CYP4F12: variants seen among roughly 807,000 people sequenced by gnomAD.
CYP4F12 encodes the protein cytochrome P450 4F12.
Under a neutral mutation model 56.5 loss-of-function variants are expected in CYP4F12, and 60 were observed. The ratio of observed to expected loss-of-function variants is 1.06; its 90% confidence interval spans 0.86 to 1.32. The LOEUF is 1.32. Ranked by LOEUF, CYP4F12 falls within the 40% of genes most tolerant of loss-of-function variation. CYP4F12 has a pLI of 0.00. For missense variants in CYP4F12, 711 were observed against 683.5 expected (o/e 1.04, Z -0.45); for synonymous variants, 263 against 264.9 (o/e 0.99, Z 0.07).
At chr19:15,680,708 T>A in intron 5 of CYP4F12, 189 bp downstream of exon 5, 1 of 735,782 alleles carries the variant, frequency 1.4e-6, no homozygotes, top group Non-Finnish European at 2.3e-6. Context: ...TGGCACACAG[T>A]AGGTTCTCAG....
At position 15,675,154 on chromosome 19, in the gene CYP4F12, T is replaced by C. The variant is rs566247298; in HGVS notation, c.198+1427T>C. ...AGTGAGCCCTGTAGCCCAACCTGGATATAATTTGGCCACTCCCTTCCCCTT... is the reference window on the plus strand; with the variant it reads ...AGTGAGCCCTGTAGCCCAACCTGGACATAATTTGGCCACTCCCTTCCCCTT... On this transcript the variant is annotated intron_variant, in intron 2 of 12. Coordinates refer to ENST00000550308, the MANE Select transcript of CYP4F12 (RefSeq NM_023944.4). Among the ~76,000 whole-genome samples, 13 of 150,662 alleles carry C rather than the reference T, an allele frequency of 8.6e-5. 1 individual carries two copies. The South Asian group carries it at 2.8e-3, about 32-fold the overall frequency.
At chr19:15,679,032 A>G (rs1049279933) in intron 3 of CYP4F12, among the ~76,000 whole-genome samples, 1 of 152,168 alleles carries the variant, frequency 6.6e-6, no homozygotes, top group South Asian at 2.1e-4. Flanking sequence ...GGATTCTCCA[A>G]TAGGAGAACC....
intron 9 of CYP4F12, among the ~76,000 whole-genome samples, chr19:15,695,143 A>C (rs2008060667): frequency 6.6e-6 from 1 of 152,132 alleles, no homozygotes; most frequent in Non-Finnish European, 1.5e-5. Context: ...AAAATGTGGC[A>C]CATATACACC....
chr19:15,680,400 A>T lies in CYP4F12; in HGVS notation c.406A>T (p.Ile136Leu), dbSNP rs138713818. 6.2e-7 allele frequency: 1 copy of T among 1,613,950 alleles called. No individual in the cohort carries two copies. Among genetic ancestry groups the T allele is most frequent in the Admixed American group, 1.7e-5 (1 of 60,014 alleles). ...RFLKPWLGEG[I>L]LLSGGDKWSR... ...CTTGGCTGCCCTACTAGGAGAAGGG[A>T]TACTGCTGAGTGGCGGTGACAAGTG... Residue 136 changes from isoleucine to leucine, a missense_variant, in exon 5 of 13, where the codon ATA becomes TTA. Transcript: ENST00000550308.
intron 9 of CYP4F12, among the ~76,000 whole-genome samples, chr19:15,692,939 G>A (rs894760034): frequency 1.9e-4 from 29 of 152,070 alleles, no homozygotes; most frequent in African/African-American, 7.0e-4. Context: ...TTAGCTGGCT[G>A]TTGTGGTGAA....
chr19:15,673,175 T>C (rs1353534362), intron 1 of CYP4F12, 40 bp downstream of exon 1: 1 of 478,406 alleles, frequency 2.1e-6, no homozygotes, highest in Non-Finnish European at 4.1e-6. Context: ...GGTCCTGGCC[T>C]GGGATGAAGA....
intron 9 of CYP4F12, among the ~76,000 whole-genome samples, chr19:15,694,647 T>A (rs1296777756): frequency 6.6e-6 from 1 of 152,344 alleles, no homozygotes; most frequent in East Asian, 1.9e-4. Context: ...AGGGACAATT[T>A]GACGTCTTCT....
chr19:15,692,854 AC>A (rs1421261589), intron 9 of CYP4F12, among the ~76,000 whole-genome samples: 3 of 152,254 alleles, frequency 2.0e-5, no homozygotes, highest in East Asian at 1.9e-4. Context: ...TGGGCAGATC[AC>A]TTGAGATCAG....
chr19:15,696,196 C>T lies in CYP4F12; in HGVS notation c.1285C>T (p.His429Tyr), dbSNP rs750196003. 1 of 1,614,158 alleles carries T rather than the reference C, an allele frequency of 6.2e-7. No individual in the cohort carries two copies. The highest frequency in any genetic ancestry group is 2.2e-5 in the East Asian group (1 of 44,876). The change falls in exon 11 of 13, where the codon CAC becomes TAC. Residue 429 changes from histidine (H) to tyrosine (Y), a missense_variant. By Grantham distance (83) the His-to-Tyr change is moderately conservative. Transcript: ENST00000550308. ...CCTCATCGATATTATAGGGGTCCAT[C>T]ACAACCCAACTGTGTGGCCGGATCC... ...TCLIDIIGVH[H>Y]NPTVWPDPEV...
intron 12 of CYP4F12, 61 bp from the exon 13 acceptor site, chr19:15,696,847 G>A: frequency 1.3e-6 from 2 of 1,546,464 alleles, no homozygotes; most frequent in South Asian, 2.5e-5. Context: ...CCAGGTTCCT[G>A]GGTTGATGGG....
At chr19:15,693,173 TA>T (rs10558201) in intron 9 of CYP4F12, among the ~76,000 whole-genome samples, 84,396 of 151,746 alleles carry the variant, frequency 0.56, 23,460 homozygotes, top group East Asian at 0.71. Flanking sequence ...AAGCATACAT[TA>T]AAAAAAATAA....
At chr19:15,687,935 T>C (rs1187570957) in intron 9 of CYP4F12, among the ~76,000 whole-genome samples, 1 of 152,120 alleles carries the variant, frequency 6.6e-6, no homozygotes, top group African/African-American at 2.4e-5. Flanking sequence ...CCCAAATGAA[T>C]TTCTTGATAT....
intron 9 of CYP4F12, among the ~76,000 whole-genome samples, chr19:15,690,870 A>C (rs578218387): frequency 6.6e-6 from 1 of 152,266 alleles, no homozygotes; most frequent in African/African-American, 2.4e-5. Context: ...TTTGTCATCT[A>C]TCTGTCTGTC....
intron 9 of CYP4F12, among the ~76,000 whole-genome samples, chr19:15,692,724 C>T (rs1205745380): frequency 6.6e-6 from 1 of 152,048 alleles, no homozygotes; most frequent in Admixed American, 6.6e-5. Flanking sequence ...GTAGGGATAA[C>T]CTTATTTTGA....
intron 9 of CYP4F12, among the ~76,000 whole-genome samples, chr19:15,686,610 G>A (rs2007619303): frequency 6.6e-6 from 1 of 152,246 alleles, no homozygotes; most frequent in African/African-American, 2.4e-5. Context: ...AGTGAAAGCA[G>A]AGTCTGGCTG....
chr19:15,695,018 C>G (rs376694982), intron 9 of CYP4F12, among the ~76,000 whole-genome samples: 1 of 152,104 alleles, frequency 6.6e-6, no homozygotes, highest in East Asian at 1.9e-4. Context: ...ACCCAAAGGA[C>G]TATAAATCAT....
intron 2 of CYP4F12, among the ~76,000 whole-genome samples, chr19:15,675,549 T>C (rs77214957): frequency 0.025 from 3,728 of 152,124 alleles, 16 homozygotes; most frequent in African/African-American, 0.086. Context: ...CAAACCTCCT[T>C]CCATGGGGAC....
intron 2 of CYP4F12, among the ~76,000 whole-genome samples, chr19:15,677,073 T>TCACTCACTCATTCCAATACC (rs2006982589): frequency 2.2e-5 from 3 of 136,496 alleles, no homozygotes; most frequent in Non-Finnish European, 3.2e-5. Flanking sequence ...ATTCCTGTCC[T>TCACTCACTCATTCCAATACC]CACTCACTCA....
chr19:15,690,394 T>G (rs1175021037), intron 9 of CYP4F12, among the ~76,000 whole-genome samples: 1 of 152,232 alleles, frequency 6.6e-6, no homozygotes, highest in Non-Finnish European at 1.5e-5. Flanking sequence ...TATTATTAAC[T>G]GTAGTCACCA....
Sources: gnomAD v4.1 joint callset for allele counts (sites outside exome capture counted in the v4.1 genomes callset) on GRCh38, gnomAD v4.1.1 for gene constraint, MANE v1.5 for transcripts, NCBI Gene and HGNC (gene_info 2026-07-23, HGNC 2026-07-21) for gene names.